Variants in NFIA observed in about 807,000 individuals in gnomAD.
The protein encoded by NFIA is nuclear factor I A, also known as nuclear factor 1 A-type.
NFIA carries 8 observed loss-of-function variants against 62.8 expected under a neutral mutation model. The ratio of observed to expected loss-of-function variants is 0.13; its 90% confidence interval spans 0.07 to 0.23. NFIA has a LOEUF of 0.23. Ranked by LOEUF, NFIA falls within the 10% of genes least tolerant of loss-of-function variation. NFIA has a pLI of 1.00. For synonymous variants in NFIA, 235 were observed against 238.1 expected, an observed-to-expected ratio of 0.99 and a Z score of 0.12; for missense variants, 410 against 642.1, an observed-to-expected ratio of 0.64 and a Z score of 3.91.
chr1:61,409,617 G>T (rs1472325675), intron 9 of NFIA, among the ~76,000 whole-genome samples: 2 of 152,126 alleles, frequency 1.3e-5, no homozygotes, highest in Non-Finnish European at 2.9e-5. Context: ...TATTATGAGA[G>T]AATTTAGTTT....
At chr1:61,109,957 CTG>C (rs1227291528) in intron 2 of NFIA, among the ~76,000 whole-genome samples, 1 of 151,830 alleles carries the variant, frequency 6.6e-6, no homozygotes, top group Non-Finnish European at 1.5e-5. Context: ...AGGGGGATGA[CTG>C]TATTGTATCT....
Position 61,367,053 on chromosome 1 carries a change from C to T in NFIA, c.946+7779C>T, listed in dbSNP as rs188573270. 7.3e-3 allele frequency among the ~76,000 whole-genome samples: 1,106 copies of T among 152,318 alleles called. 8 individuals carry two copies. The highest frequency in any genetic ancestry group is 0.014 in the Middle Eastern group (4 of 294). The stretch of plus-strand genomic sequence containing the variant: ...TTTCGGTAAACATCTGGTCAGTCAG[C>T]GACCCAGGGCATTCAGAACTAGGGG... On this transcript the variant is annotated intron_variant, in intron 6 of 10. Coordinates refer to ENST00000403491, the MANE Select transcript of NFIA (RefSeq NM_001134673.4).
In NFIA at chr1:61,415,907, A is replaced by G. The variant is rs542394566; in HGVS notation, c.1420+9180A>G. Reference sequence around the variant, plus strand: ...AGTATTGATTGCAACATTGATTACAATAAGAGACTGGTAATAACTGAAATA... The same window carrying G: ...AGTATTGATTGCAACATTGATTACAGTAAGAGACTGGTAATAACTGAAATA... On this transcript the variant is annotated intron_variant, in intron 9 of 10. Coordinates refer to ENST00000403491, the MANE Select transcript of NFIA (RefSeq NM_001134673.4). 3.9e-5 allele frequency among the ~76,000 whole-genome samples: 6 copies of G among 152,310 alleles called. No individual in the cohort carries two copies. The South Asian group carries it at 6.2e-4, about 16-fold the overall frequency.
In NFIA at chr1:61,460,023, C is replaced by G. The variant is rs1024992514; in HGVS notation, c.*4703C>G. On this transcript the variant is annotated 3_prime_UTR_variant, in exon 11 of 11. Transcript: ENST00000403491. ...GCCTCCATAGAACAAATCTAAAACA[C>G]AACCACCATAGTAATGTAAGGAGAG... 6 of 152,096 alleles carry G rather than the reference C, an allele frequency of 3.9e-5. No homozygotes were observed. Among genetic ancestry groups the G allele is most frequent in the Non-Finnish European group, 1.5e-5 (1 of 68,062 alleles). The allele number at this position is 152,096 out of a possible 1,614,324, so 9.4% of individuals were successfully genotyped here. A position where few individuals can be genotyped will look rare whatever the true frequency, so the allele number is the denominator to read the frequency against.
chr1:61,266,643 G>A (rs926302503), intron 2 of NFIA, among the ~76,000 whole-genome samples: 5 of 151,996 alleles, frequency 3.3e-5, no homozygotes, highest in Non-Finnish European at 7.4e-5. Context: ...CAGGTGATCT[G>A]CCCACCTCGG....
Position 61,309,491 on chromosome 1 carries a change from C to A in NFIA, c.626-23021C>A, listed in dbSNP as rs78492078. The stretch of plus-strand genomic sequence containing the variant: ...TCCACAGTGAGAAAAACAACAACAA[C>A]AAAAAAAAAAACACAAAATTCACAC... On this transcript the variant is annotated intron_variant, in intron 3 of 10. Transcript: ENST00000403491. 4.1e-4 allele frequency among the ~76,000 whole-genome samples: 60 copies of A among 147,156 alleles called. 1 individual carries two copies. Among genetic ancestry groups the A allele is most frequent in the South Asian group, 2.2e-3 (10 of 4,562 alleles).
At chr1:61,126,692 A>T (rs933149343) in intron 2 of NFIA, among the ~76,000 whole-genome samples, 3 of 151,294 alleles carry the variant, frequency 2.0e-5, no homozygotes, top group Non-Finnish European at 4.4e-5. Flanking sequence ...CTTGTAGTCT[A>T]TGTATAAGTT....
chr1:61,407,781 C>A (rs1665915696), intron 9 of NFIA, among the ~76,000 whole-genome samples: 1 of 152,136 alleles, frequency 6.6e-6, no homozygotes, highest in Admixed American at 6.5e-5. Flanking sequence ...GTGTTAAGGC[C>A]AAGAACTTGA....
intron 3 of NFIA, among the ~76,000 whole-genome samples, chr1:61,325,866 G>C (rs1387168698): frequency 1.3e-5 from 2 of 148,394 alleles, no homozygotes; most frequent in East Asian, 4.0e-4. Flanking sequence ...CCCAGAGGCG[G>C]AGCTTGCAGT....
intron 2 of NFIA, among the ~76,000 whole-genome samples, chr1:61,267,238 G>T (rs556422875): frequency 6.6e-6 from 1 of 152,174 alleles, no homozygotes; most frequent in Non-Finnish European, 1.5e-5. Context: ...GCTGGGTGCC[G>T]TGGCTCATGC....
rs11300026 is a variant in NFIA, at chr1:61,159,680, C to CTTT, written c.559+71017_559+71019dup. ...AGAATAAAATTAGATAATGTAGATG[C>CTTT]TTTTTTTTTTTTTTTTTTTGAGATG... On this transcript the variant is annotated intron_variant, in intron 2 of 10. Transcript: ENST00000403491. Among the ~76,000 whole-genome samples the CTTT allele has an allele frequency of 2.3e-4, 20 of 85,860 alleles. 1 individual carries two copies. The highest frequency in any genetic ancestry group is 1.7e-3 in the East Asian group (6 of 3,606). 56.3% of individuals were successfully genotyped at this position (85,860 alleles called of 152,430 possible).
In NFIA at chr1:61,352,604, C is replaced by T. The variant is rs370520482; in HGVS notation, c.818+37C>T. ...GGCAGCTCTTGAAGAAATTATGCTA[C>T]ATGGTTGCACACCTTGATTTTAACT... On this transcript the variant is annotated intron_variant, in intron 5 of 10. Transcript: ENST00000403491. 2.8e-6 allele frequency: 4 copies of T among 1,436,910 alleles called. No homozygotes were observed. The African/African-American group carries it at 5.6e-5, about 20-fold the overall frequency. 89.0% of individuals were successfully genotyped at this position (1,436,910 alleles called of 1,614,324 possible). A position where few individuals can be genotyped will look rare whatever the true frequency, so the allele number is the denominator to read the frequency against.
intron 2 of NFIA, among the ~76,000 whole-genome samples, chr1:61,117,342 A>G (rs1202985901): frequency 2.0e-5 from 3 of 152,194 alleles, no homozygotes; most frequent in Non-Finnish European, 4.4e-5. Context: ...AATGAGCCCC[A>G]GAGAGAAGAA....
In NFIA at chr1:61,462,111, G is replaced by C. The variant is rs1210244059; in HGVS notation, c.*6791G>C. On this transcript the variant is annotated 3_prime_UTR_variant, in exon 11 of 11. Transcript: ENST00000403491. ...CGAAGGTCATAAGGCCGCTAGCTCCGCTGGGACAGAGGCTTGAGAGAACTA... is the reference window on the plus strand; with the variant it reads ...CGAAGGTCATAAGGCCGCTAGCTCCCCTGGGACAGAGGCTTGAGAGAACTA... 7.5e-6 allele frequency: 1 copy of C among 133,654 alleles called. No homozygotes were observed. Among genetic ancestry groups the C allele is most frequent in the African/African-American group, 2.9e-5 (1 of 35,002 alleles). The allele number at this position is 133,654 out of a possible 1,614,324, so 8.3% of individuals were successfully genotyped here.
chr1:61,322,978 G>A (rs192820881), intron 3 of NFIA, among the ~76,000 whole-genome samples: 25 of 152,198 alleles, frequency 1.6e-4, no homozygotes, highest in Non-Finnish European at 2.1e-4. Context: ...CATTGAGTGA[G>A]CAATGATGGC....
At chr1:61,397,446 C>T (rs1489192624) in intron 7 of NFIA, among the ~76,000 whole-genome samples, 1 of 152,086 alleles carries the variant, frequency 6.6e-6, no homozygotes, top group African/African-American at 2.4e-5. Context: ...CCTCTTGTTC[C>T]ATCACTCCTT....
chr1:61,328,430 A>AT (rs11443267), intron 3 of NFIA, among the ~76,000 whole-genome samples: 131,690 of 150,600 alleles, frequency 0.87, 57,637 homozygotes, highest in East Asian at 0.92. Context: ...ATATATATAT[A>AT]TTTTTTTCGA....
intron 4 of NFIA, among the ~76,000 whole-genome samples, chr1:61,349,440 G>A (rs867707878): frequency 1.2e-4 from 19 of 152,126 alleles, no homozygotes; most frequent in African/African-American, 4.3e-4. Flanking sequence ...ACCGTCCCTC[G>A]ATTCCATAGT....
In NFIA at chr1:61,437,420, A is replaced by T. The variant is rs562741269; in HGVS notation, c.1512+10864A>T. Among the ~76,000 whole-genome samples, 4 of 152,072 alleles carry T rather than the reference A, an allele frequency of 2.6e-5. No individual in the cohort carries two copies. The East Asian group carries it at 7.8e-4, about 29-fold the overall frequency. On this transcript the variant is annotated intron_variant, in intron 10 of 10. Transcript: ENST00000403491. Reference sequence around the variant, plus strand: ...TTTCTACATCTTGGTACACAGAGAAACCCTGGACTAGGAGTCAAAATACCT... The same window carrying T: ...TTTCTACATCTTGGTACACAGAGAATCCCTGGACTAGGAGTCAAAATACCT...
Sources: gnomAD v4.1 joint callset for allele counts (sites outside exome capture counted in the v4.1 genomes callset) on GRCh38, gnomAD v4.1.1 for gene constraint, MANE v1.5 for transcripts, NCBI Gene and HGNC (gene_info 2026-07-23, HGNC 2026-07-21) for gene names.